PTER: variants seen among roughly 807,000 people sequenced by gnomAD.
PTER encodes N-acetyltaurine hydrolase.
In PTER, 38 loss-of-function variants were observed where a neutral mutation model predicts 29.6. That is an observed-to-expected ratio of 1.28 (90% CI 0.99 to 1.68). The LOEUF (loss-of-function observed/expected upper bound fraction) is 1.68. Among genes scored for constraint, PTER ranks in the 40% most tolerant of loss-of-function variants. PTER has a pLI of 0.00. For synonymous variants in PTER, 172 were observed against 154.5 expected (o/e 1.11, Z -0.84); for missense variants, 482 against 427.8 (o/e 1.13, Z -1.12).
intron 3 of PTER, among the ~76,000 whole-genome samples, chr10:16,490,668 G>A (rs1835866815): frequency 6.7e-6 from 1 of 150,276 alleles, no homozygotes. Flanking sequence ...TATTTTACAT[G>A]CATTCTGCTG....
intron 1 of PTER, among the ~76,000 whole-genome samples, chr10:16,438,178 G>T (rs202021873): frequency 2.2e-5 from 1 of 45,546 alleles, no homozygotes; most frequent in African/African-American, 1.1e-4. Flanking sequence ...GCTAATTTTT[G>T]TATTTTTAGT....
chr10:16,474,761 C>A (rs887665031), intron 1 of PTER, among the ~76,000 whole-genome samples: 8 of 152,018 alleles, frequency 5.3e-5, no homozygotes, highest in African/African-American at 1.9e-4. Context: ...GTGGCGTGCA[C>A]CTGTAATCCC....
rs75129327 is a variant in PTER at position 16,461,006 on chromosome 10, C to T, written c.-48-23331C>T. Among the ~76,000 whole-genome samples the T allele has an allele frequency of 4.6e-3, 699 of 152,168 alleles. 17 individuals are homozygous for T. The East Asian group carries it at 0.068, about 15-fold the overall frequency. On this transcript the variant is annotated intron_variant, in intron 1 of 4. Transcript: ENST00000535784. ...TGCTGGGATTATAGGCATGAGCCAC[C>T]GCACCTGGCCAAAAATTACAGTCAT...
rs1395941659 is a variant in PTER, at chr10:16,486,604, T to C, written c.685T>C (p.Ser229Pro). The C allele has an allele frequency of 3.7e-6, 6 of 1,612,830 alleles. No homozygotes were observed. In the Middle Eastern group the frequency reaches 6.6e-4, roughly 178 times the overall value. Reference protein sequence around the residue: ...AGADISKTVMSHLDRTILDKK... With the variant: ...AGADISKTVMPHLDRTILDKK... Reference sequence around the variant, plus strand: ...CGCAGACATCTCCAAAACAGTCATGTCACACCTGGATAGGTAAGTAGGCTG... The same window carrying C: ...CGCAGACATCTCCAAAACAGTCATGCCACACCTGGATAGGTAAGTAGGCTG... The change falls in exon 3 of 5, where the codon TCA (serine) becomes CCA (proline). Residue 229 changes from serine to proline, a missense_variant. Coordinates refer to ENST00000535784, the MANE Select transcript of PTER (RefSeq NM_001261836.2).
chr10:16,487,665 G>A (rs1244755544), intron 3 of PTER, among the ~76,000 whole-genome samples: 1 of 152,158 alleles, frequency 6.6e-6, no homozygotes, highest in African/African-American at 2.4e-5. Context: ...ACTAAATGAA[G>A]AAATGCCAGC....
At chr10:16,508,301 C>G (rs899473837) in intron 4 of PTER, among the ~76,000 whole-genome samples, 3 of 152,062 alleles carry the variant, frequency 2.0e-5, no homozygotes, top group Non-Finnish European at 2.9e-5. Context: ...ATCTCCTGAC[C>G]TCGTGATCCG....
At chr10:16,450,766 C>T (rs888238314) in intron 1 of PTER, among the ~76,000 whole-genome samples, 3 of 152,116 alleles carry the variant, frequency 2.0e-5, no homozygotes, top group East Asian at 3.9e-4. Context: ...CCTTGTCCAG[C>T]GAACTAAGTA....
intron 1 of PTER, among the ~76,000 whole-genome samples, chr10:16,464,371 G>C (rs368244130): frequency 6.0e-4 from 92 of 152,238 alleles, no homozygotes; most frequent in African/African-American, 2.0e-3. Flanking sequence ...GGTCATGCTG[G>C]TTTTACTCAA....
chr10:16,491,466 T>A (rs888048633), intron 3 of PTER, among the ~76,000 whole-genome samples: 2 of 152,166 alleles, frequency 1.3e-5, no homozygotes, highest in African/African-American at 4.8e-5. Flanking sequence ...GCATACGATC[T>A]GAGCCGTACT....
At chr10:16,484,840 A>C (rs1835631722) in intron 2 of PTER, 24 bp downstream of exon 2, 3 of 1,562,660 alleles carry the variant, frequency 1.9e-6, no homozygotes, top group East Asian at 4.5e-5. Flanking sequence ...GTTCTTTGAC[A>C]GTATTTGTTC....
At position 16,486,383 on chromosome 10, in the gene PTER, A is replaced by G. The variant is rs764057652; in HGVS notation, c.464A>G (p.His155Arg). ...GATGTCCTTATGAATGAAATTCTCC[A>G]TGGAGCTGATGGAACCAGTATCAAG... ...LTDVLMNEILHGADGTSIKCG... is the reference protein window; with the variant it reads ...LTDVLMNEILRGADGTSIKCG... The change falls in exon 3 of 5, where the codon CAT becomes CGT. Residue 155 changes from histidine to arginine, a missense_variant. By Grantham distance (29) the His-to-Arg change is conservative. Transcript: ENST00000535784. 9 of 1,613,912 alleles carry G rather than the reference A, an allele frequency of 5.6e-6. No individual in the cohort carries two copies. Among genetic ancestry groups the G allele is most frequent in the South Asian group, 1.1e-5 (1 of 91,066 alleles).
intron 1 of PTER, among the ~76,000 whole-genome samples, chr10:16,482,131 C>A (rs1430536612): frequency 6.6e-6 from 1 of 152,180 alleles, no homozygotes; most frequent in Non-Finnish European, 1.5e-5. Flanking sequence ...AAATCAATGG[C>A]CATGTTAGCC....
intron 3 of PTER, among the ~76,000 whole-genome samples, chr10:16,502,967 C>T (rs1164665361): frequency 5.9e-5 from 7 of 117,814 alleles, no homozygotes; most frequent in South Asian, 2.8e-4. Context: ...CCAGCCTGGG[C>T]GACAGAGGGA....
At chr10:16,447,315 T>C (rs1389183235) in intron 1 of PTER, among the ~76,000 whole-genome samples, 3 of 151,824 alleles carry the variant, frequency 2.0e-5, no homozygotes, top group Non-Finnish European at 4.4e-5. Context: ...CTCAGGTCAA[T>C]GTCTTGAACT....
chr10:16,484,788 C>CA lies in PTER; in HGVS notation c.405dup (p.Glu136ArgfsTer17). ...TTTTATGTGGATGCAACTCACTCCT[C>CA]AGAGACCAGGGCCATGTCAGTGGAG... On this transcript the variant is annotated frameshift_variant, in exon 2 of 5. Coordinates refer to ENST00000535784, the MANE Select transcript of PTER (RefSeq NM_001261836.2). LOFTEE classifies it high-confidence loss of function. 1 of 1,611,446 alleles carries CA rather than the reference C, an allele frequency of 6.2e-7. No individual in the cohort carries two copies. Among genetic ancestry groups the CA allele is most frequent in the Non-Finnish European group, 8.5e-7 (1 of 1,179,176 alleles).
chr10:16,486,727 C>G, intron 3 of PTER, 110 bp downstream of exon 3: 1 of 1,224,106 alleles, frequency 8.2e-7, no homozygotes, highest in South Asian at 1.5e-5. Context: ...CAGAGAAAAC[C>G]ACTAACTATA....
intron 1 of PTER, chr10:16,475,943 C>G (rs1047221936): frequency 6.6e-6 from 1 of 152,128 alleles, no homozygotes; most frequent in African/African-American, 2.4e-5. Context: ...CTGATTTGTC[C>G]AAGGATACTC....
chr10:16,477,420 A>G (rs762321617), intron 1 of PTER, among the ~76,000 whole-genome samples: 1 of 151,500 alleles, frequency 6.6e-6, no homozygotes, highest in Non-Finnish European at 1.5e-5. Context: ...CAAATGATTC[A>G]CCCACCTCGG....
intron 1 of PTER, among the ~76,000 whole-genome samples, chr10:16,456,859 A>AGGCGGGGGGG (rs775837340): frequency 1.8e-5 from 1 of 56,132 alleles, no homozygotes; most frequent in African/African-American, 1.1e-4. Flanking sequence ...ACCATGGGGA[A>AGGCGGGGGGG]GGTGGGGGGG....
Sources: allele counts gnomAD v4.1 joint callset (sites outside exome capture counted in the v4.1 genomes callset), GRCh38; gene constraint gnomAD v4.1.1; transcripts MANE v1.5; gene names NCBI Gene and HGNC (gene_info 2026-07-23, HGNC 2026-07-21).